The following NCOA1 variants were observed in gnomAD, a reference collection of about 807,000 sequenced individuals.
NCOA1 encodes the protein nuclear receptor coactivator 1.
Under a neutral mutation model 150.9 loss-of-function variants are expected in NCOA1, and 35 were observed. The observed-to-expected ratio is 0.23, with a 90% confidence interval of 0.18 to 0.31. The LOEUF is 0.31. Ranked by LOEUF, NCOA1 falls within the 10% of genes least tolerant of loss-of-function variation. The pLI, the probability that NCOA1 is intolerant of heterozygous loss-of-function variation, is 1.00. For missense variants in NCOA1, 1,491 were observed against 1,749.3 expected, an observed-to-expected ratio of 0.85 and a Z score of 2.63; for synonymous variants, 590 against 630.0, an observed-to-expected ratio of 0.94 and a Z score of 0.95.
At chr2:24,758,909 A>G (rs867017614) in intron 21 of NCOA1, among the ~76,000 whole-genome samples, 3 of 151,986 alleles carry the variant, frequency 2.0e-5, no homozygotes, top group Admixed American at 6.5e-5. Context: ...AATTGCTTGA[A>G]CCCAGGAGTT....
intron 1 of NCOA1, among the ~76,000 whole-genome samples, chr2:24,533,556 C>G (rs1664989955): frequency 1.3e-5 from 2 of 152,088 alleles, no homozygotes; most frequent in African/African-American, 4.8e-5. Flanking sequence ...CAGTTTTTGC[C>G]CATTCAGTAT....
At chr2:24,599,257 C>T (rs148335548) in intron 3 of NCOA1, among the ~76,000 whole-genome samples, 31 of 152,260 alleles carry the variant, frequency 2.0e-4, no homozygotes, top group Admixed American at 1.7e-3. Flanking sequence ...GTGGTTTTAT[C>T]ATTGTATTCC....
At chr2:24,697,976 T>C (rs184279771) in intron 11 of NCOA1, among the ~76,000 whole-genome samples, 178 bp downstream of exon 11, 33 of 152,300 alleles carry the variant, frequency 2.2e-4, no homozygotes, top group African/African-American at 7.0e-4. Flanking sequence ...TCCTGAAATT[T>C]GGGATACACG....
intron 13 of NCOA1, among the ~76,000 whole-genome samples, chr2:24,709,740 C>T (rs1218588663): frequency 1.3e-5 from 2 of 152,122 alleles, no homozygotes; most frequent in Non-Finnish European, 2.9e-5. Flanking sequence ...ATGTTTTTAA[C>T]AGCTTTATTC....
In NCOA1 at chr2:24,537,463, A is replaced by G. The variant is rs868430651; in HGVS notation, c.-395-26832A>G. Among the ~76,000 whole-genome samples the G allele has an allele frequency of 3.3e-5, 5 of 151,174 alleles. No homozygotes were observed. The South Asian group carries it at 6.2e-4, about 19-fold the overall frequency. Reference sequence around the variant, plus strand: ...ATATACATAATATATTTGTGTGTGTATATATATATAATATATGTATGTGTG... The same window carrying G: ...ATATACATAATATATTTGTGTGTGTGTATATATATAATATATGTATGTGTG... On this transcript the variant is annotated intron_variant, in intron 1 of 22. Coordinates refer to ENST00000348332, the MANE Select transcript of NCOA1 (RefSeq NM_003743.5).
At position 24,491,488 on chromosome 2, in the gene NCOA1, G is replaced by A. The variant is rs1245374510; in HGVS notation, c.-510G>A. Among the ~76,000 whole-genome samples the A allele has an allele frequency of 2.7e-5, 4 of 147,728 alleles. No homozygotes were observed. The highest frequency in any genetic ancestry group is 9.7e-5 in the African/African-American group (4 of 41,026). On this transcript the variant is annotated 5_prime_UTR_variant, in exon 1 of 23. Coordinates refer to ENST00000348332, the MANE Select transcript of NCOA1 (RefSeq NM_003743.5). The stretch of plus-strand genomic sequence containing the variant: ...GGGGGACCCCTGCTCCGGAGGAGGG[G>A]GCCGGAGAGCCGCGGCGCCGGGCCC...
At chr2:24,592,072 A>G (rs1447114829) in intron 3 of NCOA1, among the ~76,000 whole-genome samples, 2 of 152,160 alleles carry the variant, frequency 1.3e-5, no homozygotes, top group Non-Finnish European at 2.9e-5. Context: ...AGTGCCTGAA[A>G]CATGATAGGT....
In NCOA1 at chr2:24,523,288, A is replaced by C. The variant is rs184069035; in HGVS notation, c.-396+31686A>C. Among the ~76,000 whole-genome samples the C allele has an allele frequency of 5.0e-3, 754 of 152,246 alleles. 6 individuals are homozygous for C. The highest frequency in any genetic ancestry group is 0.01 in the Middle Eastern group (3 of 294). On this transcript the variant is annotated intron_variant, in intron 1 of 22. Transcript: ENST00000348332. ...TATTATTAGAGTCTCCCTTCTCCCCATACATCATGGGTACCATTGTTAGAA... is the reference window on the plus strand; with the variant it reads ...TATTATTAGAGTCTCCCTTCTCCCCCTACATCATGGGTACCATTGTTAGAA...
intron 5 of NCOA1, among the ~76,000 whole-genome samples, chr2:24,663,842 G>A (rs1042283081): frequency 5.9e-5 from 9 of 152,004 alleles, no homozygotes; most frequent in Non-Finnish European, 7.4e-5. Flanking sequence ...CTCTGTCTGC[G>A]TGTCCTGCCT....
intron 1 of NCOA1, among the ~76,000 whole-genome samples, chr2:24,499,077 A>G: frequency 6.6e-6 from 1 of 152,158 alleles, no homozygotes; most frequent in Non-Finnish European, 1.5e-5. Context: ...TGAGATATGC[A>G]TATTGCATGA....
In NCOA1 at chr2:24,707,066, T is replaced by C; in HGVS notation, c.1596T>C (p.Ser532=). 6.2e-7 allele frequency: 1 copy of C among 1,614,166 alleles called. No homozygotes were observed. The highest frequency in any genetic ancestry group is 2.2e-5 in the East Asian group (1 of 44,890). The stretch of plus-strand genomic sequence containing the variant: ...GTGCCTGTAATAATAATAACCGATC[T>C]TATTCAAACATCCCAGTAACATCTT... ...TSSACNNNNR[S]YSNIPVTSLQ... Residue 532 remains serine, a synonymous_variant, in exon 13 of 23, where the codon TCT becomes TCC. Coordinates refer to ENST00000348332, the MANE Select transcript of NCOA1 (RefSeq NM_003743.5).
chr2:24,696,030 C>G (rs556891222), intron 10 of NCOA1, among the ~76,000 whole-genome samples: 1 of 152,238 alleles, frequency 6.6e-6, no homozygotes, highest in Admixed American at 6.5e-5. Flanking sequence ...AAGGGTTGAA[C>G]AATTAAAATT....
At chr2:24,595,320 A>G (rs1250595256) in intron 3 of NCOA1, among the ~76,000 whole-genome samples, 2 of 152,090 alleles carry the variant, frequency 1.3e-5, no homozygotes, top group African/African-American at 4.8e-5. Context: ...TTCTATTTAA[A>G]TTTACAAAAC....
rs1203881474 is a variant in NCOA1, at chr2:24,660,627, A to AT, written c.89+1863dup. On this transcript the variant is annotated intron_variant, in intron 5 of 22. Coordinates refer to ENST00000348332, the MANE Select transcript of NCOA1 (RefSeq NM_003743.5). ...CCCATTAACTTTTGATTAGTATTGC[A>AT]TTACATGAATATACCATCTTTGAAA... Among the ~76,000 whole-genome samples the AT allele has an allele frequency of 4.6e-5, 7 of 152,310 alleles. No individual in the cohort carries two copies. In the East Asian group the frequency reaches 1.3e-3, roughly 29 times the overall value.
chr2:24,533,971 A>G (rs1403771244), intron 1 of NCOA1, among the ~76,000 whole-genome samples: 1 of 152,184 alleles, frequency 6.6e-6, no homozygotes, highest in Non-Finnish European at 1.5e-5. Flanking sequence ...TGAGTTAGGG[A>G]GGATTCCCTC....
In NCOA1 at chr2:24,646,360, A is replaced by G. The variant is rs1670474738; in HGVS notation, c.-18+2238A>G. The stretch of plus-strand genomic sequence containing the variant: ...AGACAATCATGATCCTTCACTCTAA[A>G]ATATTTCCTACTTAACCACAATATA... On this transcript the variant is annotated intron_variant, in intron 4 of 22. Coordinates refer to ENST00000348332, the MANE Select transcript of NCOA1 (RefSeq NM_003743.5). Among the ~76,000 whole-genome samples the G allele has an allele frequency of 2.0e-5, 3 of 152,182 alleles. 1 individual carries two copies. The South Asian group carries it at 6.2e-4, about 31-fold the overall frequency.
chr2:24,705,520 CT>C (rs1673377825), intron 12 of NCOA1, among the ~76,000 whole-genome samples: 1 of 152,092 alleles, frequency 6.6e-6, no homozygotes, highest in African/African-American at 2.4e-5. Context: ...ATATGTGAAT[CT>C]TATAAGAGAT....
intron 14 of NCOA1, among the ~76,000 whole-genome samples, chr2:24,712,739 A>G (rs1043795720): frequency 8.5e-5 from 13 of 152,164 alleles, no homozygotes; most frequent in African/African-American, 3.1e-4. Flanking sequence ...AGGGAAAAAA[A>G]GGGACAAAGA....
intron 3 of NCOA1, among the ~76,000 whole-genome samples, chr2:24,635,277 A>G (rs539050638): frequency 9.2e-5 from 14 of 151,944 alleles, no homozygotes; most frequent in Non-Finnish European, 1.8e-4. Context: ...ATATGGATTC[A>G]TCATGTACTT....
Sources: allele counts gnomAD v4.1 joint callset (sites outside exome capture counted in the v4.1 genomes callset), GRCh38; gene constraint gnomAD v4.1.1; transcripts MANE v1.5; gene names NCBI Gene and HGNC (gene_info 2026-07-23, HGNC 2026-07-21).